The following SLC22A2 variants were observed in gnomAD, a reference collection of about 807,000 sequenced individuals.
SLC22A2 encodes solute carrier family 22 member 2, also known as organic cation transporter 2.
A neutral mutation model predicts 60.5 loss-of-function variants in SLC22A2; 46 were observed. The observed-to-expected ratio is 0.76, with a 90% CI of 0.60 to 0.97. The LOEUF (loss-of-function observed/expected upper bound fraction) is 0.97. Among genes scored for constraint, SLC22A2 ranks in the 50% least tolerant of loss-of-function variants. The pLI is 0.00. For synonymous variants in SLC22A2, 303 were observed against 267.0 expected (o/e 1.13, Z -1.31); for missense variants, 701 against 706.6 (o/e 0.99, Z 0.09).
chr6:160,251,262 T>G (rs1231457508), intron 2 of SLC22A2, among the ~76,000 whole-genome samples: 1 of 152,200 alleles, frequency 6.6e-6, no homozygotes, highest in East Asian at 1.9e-4. Flanking sequence ...GAAGACAGCT[T>G]CCACACATCA....
rs894888411 is a variant in SLC22A2, at chr6:160,217,015, T to C, written c.*417A>G. The C allele has an allele frequency of 6.5e-6, 1 of 153,204 alleles. No individual in the cohort carries two copies. The highest frequency in any genetic ancestry group is 1.4e-5 in the Non-Finnish European group (1 of 69,476). 9.5% of individuals were successfully genotyped at this position (153,204 alleles called of 1,614,324 possible). A position where few individuals can be genotyped will look rare whatever the true frequency, so the allele number is the denominator to read the frequency against. ...CTGGACAACTTTATATTGTTTTGGG[T>C]GTTTTATTTCTTTAAGAAAATAGAT... On this transcript the variant is annotated 3_prime_UTR_variant, in exon 11 of 11. Transcript: ENST00000366953.
chr6:160,249,227 CAAG>C lies in SLC22A2; in HGVS notation c.828_830del (p.Phe276del), dbSNP rs747964716. On this transcript the variant is annotated inframe_deletion, in exon 4 of 11. Coordinates refer to ENST00000366953, the MANE Select transcript of SLC22A2 (RefSeq NM_003058.4). ...CCAAATGGACTTACCAGTAATAGAG[CAAG>C]AAGAAGAAGTTGGGCAGAGAAACTG... 23 of 1,594,628 alleles carry C rather than the reference CAAG, an allele frequency of 1.4e-5. No individual in the cohort carries two copies. Among genetic ancestry groups the C allele is most frequent in the Middle Eastern group, 1.7e-4 (1 of 6,040 alleles).
In SLC22A2 at chr6:160,224,719, G is replaced by T; in HGVS notation, c.1587C>A (p.Ala529=). 2 of 1,598,978 alleles carry T rather than the reference G, an allele frequency of 1.3e-6. No homozygotes were observed. The highest frequency in any genetic ancestry group is 1.1e-5 in the South Asian group (1 of 88,456). Residue 529 remains alanine, a synonymous_variant, in exon 10 of 11, where the codon GCC becomes GCA. Transcript: ENST00000366953. ...GKALPETIEE[A]ENMQRPRKNK... is the part of the protein sequence containing the mutation. ...CAACTGCCTACCTTTGCATATTTTC[G>T]GCTTCCTCGATGGTCTCAGGCAAAG...
chr6:160,254,406 T>C (rs919440002), intron 2 of SLC22A2, among the ~76,000 whole-genome samples: 3 of 152,232 alleles, frequency 2.0e-5, no homozygotes, highest in Admixed American at 2.0e-4. Flanking sequence ...GAGGAAGTTA[T>C]GGGTTATACT....
In SLC22A2 at chr6:160,258,494, C is replaced by G. The variant is rs200904655; in HGVS notation, c.264G>C (p.Gln88His). The change falls in exon 1 of 11, where the codon CAG becomes CAC. Residue 88 changes from glutamine to histidine, a missense_variant. Transcript: ENST00000366953. ...PGPAGEASPR[Q>H]CRRYEVDWNQ... Reference sequence around the variant, plus strand: ...TCCAGTCCACCTCGTAGCGCCTACACTGTCTTGGGGAGGCTTCGCCCGCAG... The same window carrying G: ...TCCAGTCCACCTCGTAGCGCCTACAGTGTCTTGGGGAGGCTTCGCCCGCAG... 1 of 1,614,194 alleles carries G rather than the reference C, an allele frequency of 6.2e-7. No homozygotes were observed. Among genetic ancestry groups the G allele is most frequent in the East Asian group, 2.2e-5 (1 of 44,868 alleles).
chr6:160,229,429 T>C (rs1782781027), intron 9 of SLC22A2, among the ~76,000 whole-genome samples: 1 of 151,938 alleles, frequency 6.6e-6, no homozygotes, highest in South Asian at 2.1e-4. Flanking sequence ...TTTACCCACA[T>C]TTCATTGGTG....
intron 9 of SLC22A2, among the ~76,000 whole-genome samples, chr6:160,235,458 A>G (rs113034730): frequency 0.014 from 2,085 of 150,664 alleles, 48 homozygotes; most frequent in African/African-American, 0.048. Context: ...GTTAGAGGAT[A>G]TGGTATAAAA....
intron 9 of SLC22A2, among the ~76,000 whole-genome samples, chr6:160,236,110 T>G (rs1451257983): frequency 1.3e-5 from 2 of 152,172 alleles, no homozygotes; most frequent in Admixed American, 1.3e-4. Flanking sequence ...ACAATTGTTG[T>G]TTTGTGTTGA....
chr6:160,250,923 GCCCCATTCA>G (rs1305483490), intron 2 of SLC22A2, among the ~76,000 whole-genome samples: 1 of 152,120 alleles, frequency 6.6e-6, no homozygotes, highest in Non-Finnish European at 1.5e-5. Context: ...AGCATGATAA[GCCCCATTCA>G]CCCCAGGGTT....
In SLC22A2 at chr6:160,249,256, T is replaced by C. The variant is rs770510816; in HGVS notation, c.802A>G (p.Thr268Ala). The change falls in exon 4 of 11, where the codon ACA becomes GCA. Residue 268 changes from threonine (T) to alanine (A), a missense_variant. Coordinates refer to ENST00000366953, the MANE Select transcript of SLC22A2 (RefSeq NM_003058.4). Reference sequence around the variant, plus strand: ...AAGAAGAAGTTGGGCAGAGAAACTGTGAACTGCAACCACCTCCAGTGAGGA... The same window carrying C: ...AAGAAGAAGTTGGGCAGAGAAACTGCGAACTGCAACCACCTCCAGTGAGGA... Reference protein sequence around the residue: ...ALPHWRWLQFTVSLPNFFFLL... With the variant: ...ALPHWRWLQFAVSLPNFFFLL... 9 of 1,610,984 alleles carry C rather than the reference T, an allele frequency of 5.6e-6. No homozygotes were observed. The East Asian group carries it at 2.0e-4, about 36-fold the overall frequency.
chr6:160,245,768 G>A lies in SLC22A2; in HGVS notation c.958-223C>T, dbSNP rs189510044. On this transcript the variant is annotated intron_variant, in intron 5 of 10. Coordinates refer to ENST00000366953, the MANE Select transcript of SLC22A2 (RefSeq NM_003058.4). ...GGCTTGAGTGCAGTGGTGCAATCTC[G>A]GCTCACTGCAACCTCCACCTCCTGG... Among the ~76,000 whole-genome samples the A allele has an allele frequency of 7.6e-3, 1,053 of 137,662 alleles. 20 individuals are homozygous for A. Among genetic ancestry groups the A allele is most frequent in the African/African-American group, 0.028 (1,016 of 36,878 alleles). 90.3% of individuals were successfully genotyped at this position (137,662 alleles called of 152,430 possible).
intron 9 of SLC22A2, among the ~76,000 whole-genome samples, chr6:160,234,801 C>T (rs1562433525): frequency 6.6e-6 from 1 of 152,232 alleles, no homozygotes; most frequent in Non-Finnish European, 1.5e-5. Context: ...CCAGCCAATG[C>T]TGTAGCTCAA....
At chr6:160,226,397 C>T (rs765277003) in intron 9 of SLC22A2, among the ~76,000 whole-genome samples, 5 of 152,132 alleles carry the variant, frequency 3.3e-5, no homozygotes, top group Non-Finnish European at 7.3e-5. Flanking sequence ...ATTGCAATTC[C>T]CCTGTCTGGA....
rs1221515966 is a variant in SLC22A2, at chr6:160,256,726, AG to A, written c.415-10del. On this transcript the variant is annotated splice_polypyrimidine_tract_variant and intron_variant, in intron 1 of 10. Coordinates refer to ENST00000366953, the MANE Select transcript of SLC22A2 (RefSeq NM_003058.4). ...GCACATACCAGGTTAAACTGCCAGC[AG>A]GGGAGAAGTGTTCCAAGTTGGGAGA... The A allele has an allele frequency of 6.3e-7, 1 of 1,588,358 alleles. No homozygotes were observed. Among genetic ancestry groups the A allele is most frequent in the Non-Finnish European group, 8.6e-7 (1 of 1,156,748 alleles).
intron 7 of SLC22A2, 135 bp from the exon 8 acceptor site, chr6:160,242,537 G>T: frequency 1.6e-6 from 1 of 635,124 alleles, no homozygotes; most frequent in Non-Finnish European, 2.9e-6. Context: ...TCTTCTATAG[G>T]CTCATGTTAA....
chr6:160,247,307 C>A lies in SLC22A2; in HGVS notation c.843-9G>T, dbSNP rs747104453. On this transcript the variant is annotated splice_polypyrimidine_tract_variant and intron_variant, in intron 4 of 10. Coordinates refer to ENST00000366953, the MANE Select transcript of SLC22A2 (RefSeq NM_003058.4). Reference sequence around the variant, plus strand: ...GAGACTCAGGTATGCACCTAGGGTACAAGGTGAGCGGAGGGCAACTCTTAC... The same window carrying A: ...GAGACTCAGGTATGCACCTAGGGTAAAAGGTGAGCGGAGGGCAACTCTTAC... 6.7e-7 allele frequency: 1 copy of A among 1,488,100 alleles called. No individual in the cohort carries two copies. Among genetic ancestry groups the A allele is most frequent in the Non-Finnish European group, 9.4e-7 (1 of 1,065,190 alleles). The allele number at this position is 1,488,100 out of a possible 1,614,324, so 92.2% of individuals were successfully genotyped here. A position where few individuals can be genotyped will look rare whatever the true frequency, so the allele number is the denominator to read the frequency against.
At position 160,243,747 on chromosome 6, in the gene SLC22A2, G is replaced by A. The variant is rs773246149; in HGVS notation, c.1104C>T (p.His368=). The A allele has an allele frequency of 2.5e-6, 4 of 1,614,006 alleles. No homozygotes were observed. In the South Asian group the frequency reaches 4.4e-5, roughly 18 times the overall value. Residue 368 remains histidine, a synonymous_variant, in exon 7 of 11, where the codon CAC becomes CAT. Transcript: ENST00000366953. ...AGATATTGTCACCTGCAAGGCCCAT[G>A]TGCATGATGAGGCCCTGGTAGAGCA... is the stretch of plus-strand genomic sequence containing the variant. The part of the protein sequence containing the change: ...SSVLYQGLIM[H]MGLAGDNIYL...
chr6:160,224,443 C>T (rs551201497), intron 10 of SLC22A2, among the ~76,000 whole-genome samples: 91 of 152,148 alleles, frequency 6.0e-4, no homozygotes, highest in African/African-American at 2.0e-3. Context: ...TGAAAGCAAA[C>T]ATATTGACCT....
intron 6 of SLC22A2, 107 bp downstream of exon 6, chr6:160,245,332 C>T (rs1267768242): frequency 1.2e-5 from 7 of 591,442 alleles, no homozygotes; most frequent in South Asian, 2.7e-5. Flanking sequence ...TGCTGCCCAC[C>T]GTCAGCGCTA....
Sources: gnomAD v4.1 joint callset for allele counts (sites outside exome capture counted in the v4.1 genomes callset) on GRCh38, gnomAD v4.1.1 for gene constraint, MANE v1.5 for transcripts, NCBI Gene and HGNC (gene_info 2026-07-23, HGNC 2026-07-21) for gene names.